DENND4A: variants seen among roughly 807,000 people sequenced by gnomAD.
The protein encoded by DENND4A is C-myc promoter-binding protein.
In DENND4A, 70 loss-of-function variants were observed where a neutral mutation model predicts 199.3. That is an observed-to-expected ratio of 0.35 (90% confidence interval 0.29 to 0.43). The LOEUF (loss-of-function observed/expected upper bound fraction) is 0.43, where lower values mean the gene tolerates loss of function less well. Among genes scored for constraint, DENND4A ranks in the 20% least tolerant of loss-of-function variants. The pLI, the probability that DENND4A is intolerant of heterozygous loss-of-function variation, is 1.00. For missense variants in DENND4A, 1,723 were observed against 2,255.8 expected, an observed-to-expected ratio of 0.76 and a Z score of 4.78; for synonymous variants, 686 against 766.9, an observed-to-expected ratio of 0.89 and a Z score of 1.74.
At chr15:65,789,535 G>T (rs1436682982) in intron 1 of DENND4A, among the ~76,000 whole-genome samples, 1 of 149,584 alleles carries the variant, frequency 6.7e-6, no homozygotes, top group Admixed American at 6.6e-5. Flanking sequence ...GAAGAAAAAT[G>T]TATCAGCTAT....
chr15:65,764,405 A>G (rs1048914257), intron 1 of DENND4A, among the ~76,000 whole-genome samples: 5 of 152,102 alleles, frequency 3.3e-5, no homozygotes, highest in African/African-American at 7.2e-5. Context: ...CAGAGGTGGG[A>G]GGATCACTTG....
chr15:65,667,858 G>A, intron 28 of DENND4A, 67 bp downstream of exon 28: 1 of 1,545,852 alleles, frequency 6.5e-7, no homozygotes, highest in Admixed American at 2.1e-5. Flanking sequence ...GACTACTTAA[G>A]ACAAGGGGAA....
At chr15:65,729,376 TAA>T in intron 10 of DENND4A, 129 bp from the exon 11 acceptor site, 1 of 1,361,314 alleles carries the variant, frequency 7.3e-7, no homozygotes, top group Non-Finnish European at 1.0e-6. Context: ...GAAATAATTA[TAA>T]CTAGAGTTAA....
intron 11 of DENND4A, among the ~76,000 whole-genome samples, chr15:65,726,587 G>A (rs1426620468): frequency 1.3e-5 from 2 of 152,118 alleles, no homozygotes; most frequent in Non-Finnish European, 2.9e-5. Flanking sequence ...CTTTATAACA[G>A]AATACTCATT....
intron 31 of DENND4A, 35 bp downstream of exon 31, chr15:65,664,525 G>A (rs1485442531): frequency 7.5e-6 from 12 of 1,592,362 alleles, no homozygotes; most frequent in Non-Finnish European, 9.4e-6. Context: ...AATCTGCCTA[G>A]GAGAACAATA....
chr15:65,780,363 A>G (rs1174628704), intron 1 of DENND4A, among the ~76,000 whole-genome samples: 2 of 152,254 alleles, frequency 1.3e-5, no homozygotes, highest in African/African-American at 2.4e-5. Context: ...AAAAGTAAGT[A>G]AAGGGCATTC....
intron 1 of DENND4A, among the ~76,000 whole-genome samples, chr15:65,774,280 G>C (rs28552840): frequency 0.31 from 46,528 of 151,724 alleles, 8,072 homozygotes; most frequent in East Asian, 0.78. Context: ...CACCTGAGGT[G>C]GGGAGTTTGA....
chr15:65,723,366 T>C (rs989179668), intron 11 of DENND4A, among the ~76,000 whole-genome samples: 2 of 152,142 alleles, frequency 1.3e-5, no homozygotes, highest in African/African-American at 4.8e-5. Context: ...TTTCAGTAAA[T>C]TCATGATCCA....
rs1361928924 is a variant in DENND4A at position 65,741,764 on chromosome 15, C to T, written c.582G>A (p.Leu194=). 6.2e-7 allele frequency: 1 copy of T among 1,612,446 alleles called. No individual in the cohort carries two copies. The highest frequency in any genetic ancestry group is 8.5e-7 in the Non-Finnish European group (1 of 1,179,222). ...NNSMWGSAVY[L]CYKKSVAKTN... ...TCTTTGCCACCGATTTTTTATAACA[C>T]AAGTATACTGCTGATCCCCACTGGA... is the stretch of plus-strand genomic sequence containing the variant. The change falls in exon 5 of 33, where the codon TTG becomes TTA. Residue 194 remains leucine, a synonymous_variant. Transcript: ENST00000443035.
At chr15:65,696,194 A>C in intron 22 of DENND4A, 172 bp downstream of exon 22, 1 of 699,218 alleles carries the variant, frequency 1.4e-6, no homozygotes, top group Non-Finnish European at 2.2e-6. Context: ...AAGCTTGAAC[A>C]CAGCATGTTA....
At chr15:65,735,706 A>G in intron 7 of DENND4A, among the ~76,000 whole-genome samples, 1 of 152,202 alleles carries the variant, frequency 6.6e-6, no homozygotes, top group East Asian at 1.9e-4. Context: ...CAGAAGCACA[A>G]TGGTTGTCTT....
intron 12 of DENND4A, 71 bp from the exon 13 acceptor site, chr15:65,718,067 T>C: frequency 8.3e-7 from 1 of 1,206,826 alleles, no homozygotes. Context: ...AATATAATTT[T>C]GTTGTATTTT....
chr15:65,716,933 C>T (rs1004638291), intron 13 of DENND4A, among the ~76,000 whole-genome samples: 2 of 152,224 alleles, frequency 1.3e-5, no homozygotes, highest in East Asian at 3.9e-4. Flanking sequence ...TTAATGATTG[C>T]CATTCTAACT....
chr15:65,713,277 A>G (rs993932964), intron 14 of DENND4A, among the ~76,000 whole-genome samples: 2 of 152,232 alleles, frequency 1.3e-5, no homozygotes, highest in African/African-American at 2.4e-5. Flanking sequence ...TTTCTAGATT[A>G]CAGAATAAGT....
intron 13 of DENND4A, among the ~76,000 whole-genome samples, chr15:65,717,153 C>CT (rs913714169): frequency 8.7e-5 from 13 of 148,592 alleles, no homozygotes; most frequent in East Asian, 2.0e-4. Flanking sequence ...TCATCTTTTA[C>CT]TTTTTTTTTT....
intron 1 of DENND4A, chr15:65,772,115 C>A: frequency 1.2e-6 from 1 of 869,436 alleles, no homozygotes; most frequent in Non-Finnish European, 1.9e-6. Context: ...CGACACATTT[C>A]TCAGCTTCAT....
Position 65,738,871 on chromosome 15 carries a change from T to C in DENND4A, c.636A>G (p.Leu212=), listed in dbSNP as rs2076178910. The change falls in exon 6 of 33, where the codon CTA becomes CTG. Residue 212 remains leucine (L), a synonymous_variant. Coordinates refer to ENST00000443035, the MANE Select transcript of DENND4A (RefSeq NM_001320835.1). ...AATCTTCTTGAGGATATCTACAAAT[T>C]AGGCCTATAAAAACAACAATAAATA... The part of the protein sequence containing the change: ...KTNTVSYKAG[L]ICRYPQEDYE... The C allele has an allele frequency of 6.3e-7, 1 of 1,576,920 alleles. No homozygotes were observed. Among genetic ancestry groups the C allele is most frequent in the South Asian group, 1.2e-5 (1 of 84,244 alleles).
chr15:65,755,731 A>C (rs2076684465), intron 3 of DENND4A, among the ~76,000 whole-genome samples: 2 of 152,168 alleles, frequency 1.3e-5, no homozygotes, highest in African/African-American at 4.8e-5. Context: ...ATGCCATTGC[A>C]CTCCAGCTGG....
chr15:65,677,149 G>A (rs1281948682), intron 23 of DENND4A, among the ~76,000 whole-genome samples: 1 of 152,042 alleles, frequency 6.6e-6, no homozygotes, highest in Non-Finnish European at 1.5e-5. Context: ...ACCCATAAAG[G>A]ATGAAAATAT....
Sources: gnomAD v4.1 joint callset for allele counts (sites outside exome capture counted in the v4.1 genomes callset) on GRCh38, gnomAD v4.1.1 for gene constraint, MANE v1.5 for transcripts, NCBI Gene and HGNC (gene_info 2026-07-23, HGNC 2026-07-21) for gene names.